The following RLBP1 variants were observed in gnomAD, a reference collection of about 807,000 sequenced individuals.
RLBP1 encodes the protein retinaldehyde binding protein 1, also known as retinaldehyde-binding protein 1.
A neutral mutation model predicts 36.2 loss-of-function variants in RLBP1; 26 were observed. That is an observed-to-expected ratio of 0.72 (90% confidence interval 0.53 to 1.00). The LOEUF is 1.00. RLBP1 is among the 50% of genes least tolerant of loss of function. The pLI is 0.00. For missense variants in RLBP1, 410 were observed against 402.4 expected (o/e 1.02, Z -0.16); for synonymous variants, 155 against 156.2 (o/e 0.99, Z 0.06).
rs1488911436 is a variant in RLBP1, at chr15:89,210,514, G to T, written c.796-71C>A. ...TAAGGATGAGGGTTGAGGGAGGAAA[G>T]GGGCAGGAGGACAAAGCCCCATCAT... is the stretch of plus-strand genomic sequence containing the variant. On this transcript the variant is annotated intron_variant, in intron 8 of 8. Transcript: ENST00000268125. This position sits in a 1 kb window ranked among gnomAD's most constrained non-coding sequence, Gnocchi z 4.7. 1 of 1,551,878 alleles carries T rather than the reference G, an allele frequency of 6.4e-7. No individual in the cohort carries two copies. Among genetic ancestry groups the T allele is most frequent in the Non-Finnish European group, 8.9e-7 (1 of 1,125,428 alleles).
At chr15:89,220,699 A>G (rs1283061851) in intron 1 of RLBP1, among the ~76,000 whole-genome samples, 3 of 152,184 alleles carry the variant, frequency 2.0e-5, no homozygotes, top group Admixed American at 6.5e-5. Flanking sequence ...TTGCTGGAAC[A>G]GGAATGGAAA....
chr15:89,218,082 G>C lies in RLBP1; in HGVS notation c.141+483C>G, dbSNP rs1382297334. Among the ~76,000 whole-genome samples, 1 of 152,184 alleles carries C rather than the reference G, an allele frequency of 6.6e-6. No individual in the cohort carries two copies. Among genetic ancestry groups the C allele is most frequent in the African/African-American group, 2.4e-5 (1 of 41,446 alleles). The stretch of plus-strand genomic sequence containing the variant: ...TCCCCAGCAGCCCTAAGACAGCTCT[G>C]TCAGCCTCCACAGAGCACAATCTGA... On this transcript the variant is annotated intron_variant, in intron 4 of 8. Coordinates refer to ENST00000268125, the MANE Select transcript of RLBP1 (RefSeq NM_000326.5). The surrounding 1 kb of genome is among the most constrained non-coding windows in gnomAD (Gnocchi z 4.6).
In RLBP1 at chr15:89,220,604, A is replaced by AC. The variant is rs549215011; in HGVS notation, c.-223-746_-223-745insG. Among the ~76,000 whole-genome samples the AC allele has an allele frequency of 4.6e-3, 703 of 152,296 alleles. 1 individual carries two copies. Among genetic ancestry groups the AC allele is most frequent in the African/African-American group, 0.016 (653 of 41,548 alleles). Reference sequence around the variant, plus strand: ...TAATCCACCCACAGGAACCAAATCTAAGCCACCTTTCTGGCTGGTAGACAT... The same window carrying AC: ...TAATCCACCCACAGGAACCAAATCTACAGCCACCTTTCTGGCTGGTAGACAT... On this transcript the variant is annotated intron_variant, in intron 1 of 8. Transcript: ENST00000268125.
chr15:89,212,924 G>T (rs1262270427), intron 6 of RLBP1, among the ~76,000 whole-genome samples: 1 of 151,784 alleles, frequency 6.6e-6, no homozygotes, highest in Non-Finnish European at 1.5e-5. Flanking sequence ...AGACAGACAG[G>T]GTTTCACCAT....
At position 89,214,847 on chromosome 15, in the gene RLBP1, TCC is replaced by T. The variant is rs1335108452; in HGVS notation, c.525+211_525+212del. The stretch of plus-strand genomic sequence containing the variant: ...AGCCATGTATTATTGACCATCAAGC[TCC>T]ACCTGCAAAGCTACTGGGTTTTCCA... On this transcript the variant is annotated intron_variant, in intron 6 of 8. Coordinates refer to ENST00000268125, the MANE Select transcript of RLBP1 (RefSeq NM_000326.5). The surrounding 1 kb of genome is among the most constrained non-coding windows in gnomAD (Gnocchi z 4.6). Among the ~76,000 whole-genome samples the T allele has an allele frequency of 1.3e-5, 2 of 152,210 alleles. No homozygotes were observed. The highest frequency in any genetic ancestry group is 3.8e-4 in the East Asian group (2 of 5,196).
chr15:89,210,706 A>T lies in RLBP1; in HGVS notation c.788T>A (p.Leu263His). 6.3e-7 allele frequency: 1 copy of T among 1,593,112 alleles called. No individual in the cohort carries two copies. Among genetic ancestry groups the T allele is most frequent in the Non-Finnish European group, 8.6e-7 (1 of 1,167,896 alleles). ...GGCGGCCCACGTACTCACCCTCTCA[A>T]GCAGCTTGCTCTTCAAGAAGGGCTT... ...VVKPFLKSKL[L>H]ERVFVHGDDL... The change falls in exon 8 of 9, where the codon CTT (leucine) becomes CAT (histidine). Residue 263 changes from leucine (L) to histidine (H), a missense_variant. Transcript: ENST00000268125. The surrounding 1 kb of genome is among the most constrained non-coding windows in gnomAD (Gnocchi z 4.7).
Position 89,217,343 on chromosome 15 carries a change from T to C in RLBP1, c.142-19A>G. The stretch of plus-strand genomic sequence containing the variant: ...CCTTGGCCTAGAACAGGGTGGGGTG[T>C]GCATGAAGTTAAACTTAGGTGCGGG... On this transcript the variant is annotated intron_variant, in intron 4 of 8. Transcript: ENST00000268125. 1 of 1,601,448 alleles carries C rather than the reference T, an allele frequency of 6.2e-7. No individual in the cohort carries two copies. The highest frequency in any genetic ancestry group is 8.5e-7 in the Non-Finnish European group (1 of 1,179,546).
Position 89,211,842 on chromosome 15 carries a change from G to A in RLBP1, c.585C>T (p.Ile195=). The A allele has an allele frequency of 1.9e-6, 3 of 1,614,202 alleles. No individual in the cohort carries two copies. Among genetic ancestry groups the A allele is most frequent in the South Asian group, 2.2e-5 (2 of 91,080 alleles). ...AGTTCTCAATGATGCAGAAGCCATTGATTTGAGTTTCCTCATTCTCCAGCA... is the reference window on the plus strand; with the variant it reads ...AGTTCTCAATGATGCAGAAGCCATTAATTTGAGTTTCCTCATTCTCCAGCA... ...EKLLENEETQ[I]NGFCIIENFK... Residue 195 remains isoleucine, a synonymous_variant, in exon 7 of 9, where the codon ATC becomes ATT. Transcript: ENST00000268125. This position sits in a 1 kb window ranked among gnomAD's most constrained non-coding sequence, Gnocchi z 5.8.
chr15:89,218,848 G>T lies in RLBP1; in HGVS notation c.12+116C>A. 1.3e-6 allele frequency: 2 copies of T among 1,499,382 alleles called. No individual in the cohort carries two copies. Among genetic ancestry groups the T allele is most frequent in the Non-Finnish European group, 1.8e-6 (2 of 1,085,964 alleles). The allele number at this position is 1,499,382 out of a possible 1,614,324, so 92.9% of individuals were successfully genotyped here. A position where few individuals can be genotyped will look rare whatever the true frequency, so the allele number is the denominator to read the frequency against. On this transcript the variant is annotated intron_variant, in intron 3 of 8. Transcript: ENST00000268125. The surrounding 1 kb of genome is among the most constrained non-coding windows in gnomAD (Gnocchi z 4.6). ...GGACCCACACAGGGGTTATAGAAGT[G>T]TGTGCCTATATTCCCGGGCAGAGCA...
chr15:89,219,172 G>A lies in RLBP1; in HGVS notation c.-100-97C>T, dbSNP rs1194726312. The A allele has an allele frequency of 1.2e-5, 8 of 671,974 alleles. No homozygotes were observed. In the Admixed American group the frequency reaches 1.4e-4, roughly 11 times the overall value. The allele number at this position is 671,974 out of a possible 1,614,324, so 41.6% of individuals were successfully genotyped here. On this transcript the variant is annotated intron_variant, in intron 2 of 8. Coordinates refer to ENST00000268125, the MANE Select transcript of RLBP1 (RefSeq NM_000326.5). ...ATCACCCGAGGCATTTGTTAGAAACGCAGGTGCCTGGGTCCCAACCTCCAT... is the reference window on the plus strand; with the variant it reads ...ATCACCCGAGGCATTTGTTAGAAACACAGGTGCCTGGGTCCCAACCTCCAT...
Position 89,218,628 on chromosome 15 carries a change from T to A in RLBP1, c.78A>T (p.Thr26=), listed in dbSNP as rs780567351. 1.9e-6 allele frequency: 3 copies of A among 1,614,206 alleles called. No individual in the cohort carries two copies. The highest frequency in any genetic ancestry group is 2.5e-6 in the Non-Finnish European group (3 of 1,180,038). Residue 26 remains threonine, a synonymous_variant, in exon 4 of 9, where the codon ACA becomes ACT. Transcript: ENST00000268125. This position sits in a 1 kb window ranked among gnomAD's most constrained non-coding sequence, Gnocchi z 4.6. ...QELRAQLEQL[T]TKDHGPVFGP... is the part of the protein sequence containing the mutation. ...CAAAGACAGGTCCATGGTCCTTGGT[T>A]GTGAGCTGCTCCAGTTGGGCACGGA...
rs940100076 is a variant in RLBP1 at position 89,214,176 on chromosome 15, T to C, written c.525+884A>G. ...CTAGATAGCATTATCTAAAATTAGT[T>C]TGGGCCAGGTGCGGTGTCTTATGCC... On this transcript the variant is annotated intron_variant, in intron 6 of 8. Transcript: ENST00000268125. This position sits in a 1 kb window ranked among gnomAD's most constrained non-coding sequence, Gnocchi z 4.6. 3.9e-5 allele frequency among the ~76,000 whole-genome samples: 6 copies of C among 152,116 alleles called. No homozygotes were observed. Among genetic ancestry groups the C allele is most frequent in the Admixed American group, 2.0e-4 (3 of 15,258 alleles).
Position 89,214,476 on chromosome 15 carries a change from A to G in RLBP1, c.525+584T>C, listed in dbSNP as rs1314826563. On this transcript the variant is annotated intron_variant, in intron 6 of 8. Transcript: ENST00000268125. The surrounding 1 kb of genome is among the most constrained non-coding windows in gnomAD (Gnocchi z 4.6). ...GACTCCATCTCAAAAATAAATAAAT[A>G]AAATAAAATAAGTTTGTAGCAGTTT... Among the ~76,000 whole-genome samples, 1 of 150,336 alleles carries G rather than the reference A, an allele frequency of 6.7e-6. No individual in the cohort carries two copies. Among genetic ancestry groups the G allele is most frequent in the Admixed American group, 6.8e-5 (1 of 14,754 alleles).
chr15:89,215,063 A>G lies in RLBP1; in HGVS notation c.522T>C (p.Asp174=), dbSNP rs2051567829. ...ENWQSQEITF[D]EILQAYCFIL... ...AGCCAGGCGAGCCCCCACTAACCTCATCAAAGGTGATTTCTTGACTTTGCC... is the reference window on the plus strand; with the variant it reads ...AGCCAGGCGAGCCCCCACTAACCTCGTCAAAGGTGATTTCTTGACTTTGCC... Residue 174 remains aspartate, a synonymous_variant, in exon 6 of 9, where the codon GAT becomes GAC. Transcript: ENST00000268125. 1 of 1,614,052 alleles carries G rather than the reference A, an allele frequency of 6.2e-7. No individual in the cohort carries two copies. The highest frequency in any genetic ancestry group is 8.5e-7 in the Non-Finnish European group (1 of 1,179,924).
At position 89,218,688 on chromosome 15, in the gene RLBP1, G is replaced by C. The variant is rs1474585703; in HGVS notation, c.18C>G (p.Gly6=). The C allele has an allele frequency of 6.2e-7, 1 of 1,614,082 alleles. No individual in the cohort carries two copies. The highest frequency in any genetic ancestry group is 8.5e-7 in the Non-Finnish European group (1 of 1,180,026). MSEGV[G]TFRMVPEEEQ... The stretch of plus-strand genomic sequence containing the variant: ...CCTCTTCAGGTACCATGCGGAACGT[G>C]CCCACCTGGGCAGAGAAAGGAAAAA... Residue 6 remains glycine, a synonymous_variant, in exon 4 of 9, where the codon GGC becomes GGG. Transcript: ENST00000268125. The surrounding 1 kb of genome is among the most constrained non-coding windows in gnomAD (Gnocchi z 4.6).
Position 89,210,140 on chromosome 15 carries a change from A to C in RLBP1, c.*145T>G. On this transcript the variant is annotated 3_prime_UTR_variant, in exon 9 of 9. Transcript: ENST00000268125. The surrounding 1 kb of genome is among the most constrained non-coding windows in gnomAD (Gnocchi z 4.7). ...ATTACCCATCCCCCAACTTGAGAACAGGGTGACACCTGAGCTCACTCGGGC... is the reference window on the plus strand; with the variant it reads ...ATTACCCATCCCCCAACTTGAGAACCGGGTGACACCTGAGCTCACTCGGGC... 1 of 865,904 alleles carries C rather than the reference A, an allele frequency of 1.2e-6. No homozygotes were observed. The highest frequency in any genetic ancestry group is 1.9e-6 in the Non-Finnish European group (1 of 526,386). 53.6% of individuals were successfully genotyped at this position (865,904 alleles called of 1,614,324 possible).
chr15:89,217,870 C>T (rs151184172), intron 4 of RLBP1, among the ~76,000 whole-genome samples: 164 of 152,320 alleles, frequency 1.1e-3, no homozygotes, highest in African/African-American at 3.9e-3. Context: ...TCACATTCCT[C>T]CCCTCTGCTG....
Position 89,210,636 on chromosome 15 carries a change from G to A in RLBP1, c.795+63C>T, listed in dbSNP as rs905409877. The A allele has an allele frequency of 4.6e-6, 6 of 1,315,140 alleles. No homozygotes were observed. Among genetic ancestry groups the A allele is most frequent in the Non-Finnish European group, 6.5e-6 (6 of 929,328 alleles). The allele number at this position is 1,315,140 out of a possible 1,614,324, so 81.5% of individuals were successfully genotyped here. A position where few individuals can be genotyped will look rare whatever the true frequency, so the allele number is the denominator to read the frequency against. The stretch of plus-strand genomic sequence containing the variant: ...CAGGACCATGGTAGAGTGTGAGGAG[G>A]GCTCAGGTGAGGCCCCACCCTCAGC... On this transcript the variant is annotated intron_variant, in intron 8 of 8. Transcript: ENST00000268125. The surrounding 1 kb of genome is among the most constrained non-coding windows in gnomAD (Gnocchi z 4.7).
At chr15:89,213,030 G>C (rs921647553) in intron 6 of RLBP1, among the ~76,000 whole-genome samples, 8 of 152,160 alleles carry the variant, frequency 5.3e-5, no homozygotes, top group Non-Finnish European at 1.0e-4. Context: ...ACTGCGCCCA[G>C]CCAATTTTTT....
Sources: allele counts gnomAD v4.1 joint callset (sites outside exome capture counted in the v4.1 genomes callset), GRCh38; gene constraint gnomAD v4.1.1; non-coding constraint Gnocchi (gnomAD v3.1); transcripts MANE v1.5; gene names NCBI Gene and HGNC (gene_info 2026-07-23, HGNC 2026-07-21).